CACNB2: variants seen among roughly 807,000 people sequenced by gnomAD.
The protein encoded by CACNB2 is calcium voltage-gated channel auxiliary subunit beta 2, also known as voltage-dependent L-type calcium channel subunit beta-2.
A neutral mutation model predicts 73.3 loss-of-function variants in CACNB2; 42 were observed. The ratio of observed to expected loss-of-function variants is 0.57; its 90% CI spans 0.45 to 0.74. The LOEUF (loss-of-function observed/expected upper bound fraction) is 0.74, where lower values mean the gene tolerates loss of function less well. Among genes scored for constraint, CACNB2 ranks in the 30% least tolerant of loss-of-function variants. CACNB2 has a pLI of 0.00. For missense variants in CACNB2, 940 were observed against 853.0 expected, an observed-to-expected ratio of 1.10 and a Z score of -1.27; for synonymous variants, 348 against 310.3, an observed-to-expected ratio of 1.12 and a Z score of -1.28.
chr10:18,319,010 T>C (rs2131941481), intron 2 of CACNB2, among the ~76,000 whole-genome samples: 1 of 152,258 alleles, frequency 6.6e-6, no homozygotes, highest in African/African-American at 2.4e-5. Context: ...GAATGTAAAT[T>C]AGTTCAACCA....
At chr10:18,165,521 T>C (rs756215222) in intron 2 of CACNB2, among the ~76,000 whole-genome samples, 1 of 152,244 alleles carries the variant, frequency 6.6e-6, no homozygotes, top group South Asian at 2.1e-4. Flanking sequence ...CAGGCGACTG[T>C]TGAGCCTCAG....
At chr10:18,145,674 T>A (rs1393294439) in intron 1 of CACNB2, among the ~76,000 whole-genome samples, 1 of 152,198 alleles carries the variant, frequency 6.6e-6, no homozygotes, top group African/African-American at 2.4e-5. Context: ...GGGATGGTGA[T>A]ACTCTACAAT....
chr10:18,462,072 C>T (rs1661498356), intron 3 of CACNB2, among the ~76,000 whole-genome samples: 2 of 152,136 alleles, frequency 1.3e-5, no homozygotes, highest in East Asian at 1.9e-4. Flanking sequence ...TGCTCATTTT[C>T]CCCATGCACA....
intron 2 of CACNB2, among the ~76,000 whole-genome samples, chr10:18,191,347 G>C (rs2489211): frequency 0.82 from 125,162 of 152,218 alleles, 52,612 homozygotes; most frequent in Non-Finnish European, 0.9. Context: ...GCTGCCCCCC[G>C]TGTATTGCTG....
intron 3 of CACNB2, among the ~76,000 whole-genome samples, chr10:18,487,644 C>T (rs1483494230): frequency 2.6e-5 from 4 of 151,948 alleles, no homozygotes; most frequent in South Asian, 4.1e-4. Flanking sequence ...AGACCAGCCT[C>T]GCCAACATAG....
intron 3 of CACNB2, among the ~76,000 whole-genome samples, chr10:18,482,465 C>T (rs1463998954): frequency 6.6e-6 from 1 of 152,104 alleles, no homozygotes; most frequent in Non-Finnish European, 1.5e-5. Context: ...CCTGGCTAGA[C>T]TGAAGATGCC....
chr10:18,338,738 C>CTTT lies in CACNB2; in HGVS notation c.214-63168_214-63166dup, dbSNP rs553402190. On this transcript the variant is annotated intron_variant, in intron 2 of 13. Coordinates refer to ENST00000324631, the MANE Select transcript of CACNB2 (RefSeq NM_201596.3). ...CCTTCCTGCCTTCTTTCCTTCTTTC[C>CTTT]TTTTTTTTTTTTTTTTTTTTGAAAG... 1.9e-3 allele frequency among the ~76,000 whole-genome samples: 198 copies of CTTT among 102,428 alleles called. 2 individuals are homozygous for CTTT. The highest frequency in any genetic ancestry group is 4.0e-3 in the South Asian group (11 of 2,784). 67.2% of individuals were successfully genotyped at this position (102,428 alleles called of 152,430 possible).
Position 18,536,254 on chromosome 10 carries a change from T to TTTTTTC in CACNB2, c.1302+63_1302+64insCTTTTT, listed in dbSNP as rs1463385944. 28 of 632,230 alleles carry TTTTTTC rather than the reference T, an allele frequency of 4.4e-5. 1 individual carries two copies. In the African/African-American group the frequency reaches 8.5e-4, roughly 19 times the overall value. The allele number at this position is 632,230 out of a possible 1,614,324, so 39.2% of individuals were successfully genotyped here. A position where few individuals can be genotyped will look rare whatever the true frequency, so the allele number is the denominator to read the frequency against. ...TACAGAGATCAGACCTTTTTTTTTT[T>TTTTTTC]TTTTTTTTTTTTTTTTTTTGGGGGA... On this transcript the variant is annotated intron_variant, in intron 12 of 13. Coordinates refer to ENST00000324631, the MANE Select transcript of CACNB2 (RefSeq NM_201596.3).
At chr10:18,256,671 T>A (rs1343783316) in intron 2 of CACNB2, 1 of 152,272 alleles carries the variant, frequency 6.6e-6, no homozygotes, top group Admixed American at 6.5e-5. Context: ...CCGGGCATGG[T>A]GGCTCAGGCC....
At chr10:18,303,031 C>T (rs190272341) in intron 2 of CACNB2, among the ~76,000 whole-genome samples, 52 of 152,202 alleles carry the variant, frequency 3.4e-4, no homozygotes, top group Admixed American at 5.9e-4. Flanking sequence ...TCTGAAGCTT[C>T]ACGGGGGTCT....
intron 6 of CACNB2, among the ~76,000 whole-genome samples, chr10:18,508,187 C>A (rs1218453187): frequency 6.6e-6 from 1 of 152,152 alleles, no homozygotes; most frequent in Non-Finnish European, 1.5e-5. Context: ...TGAGCAAAAT[C>A]TGAGCACAAT....
chr10:18,337,428 C>A (rs992806634), intron 2 of CACNB2, among the ~76,000 whole-genome samples: 3 of 152,270 alleles, frequency 2.0e-5, no homozygotes, highest in African/African-American at 7.2e-5. Flanking sequence ...TTACTCTTAC[C>A]CATTGTAGCA....
At chr10:18,521,817 G>T (rs1278190353) in intron 9 of CACNB2, among the ~76,000 whole-genome samples, 1 of 152,172 alleles carries the variant, frequency 6.6e-6, no homozygotes, top group Admixed American at 6.5e-5. Flanking sequence ...TTTTTAACCA[G>T]ATAAATGCAG....
At position 18,221,953 on chromosome 10, in the gene CACNB2, C is replaced by G. The variant is rs572891781; in HGVS notation, c.213+70978C>G. On this transcript the variant is annotated intron_variant, in intron 2 of 13. Coordinates refer to ENST00000324631, the MANE Select transcript of CACNB2 (RefSeq NM_201596.3). ...GTTTCTCTTTATAGAAGTATTTCAT[C>G]TACTACACAAAGGAGGGACCAGAGA... Among the ~76,000 whole-genome samples, 6 of 152,276 alleles carry G rather than the reference C, an allele frequency of 3.9e-5. No individual in the cohort carries two copies. The South Asian group carries it at 1.2e-3, about 32-fold the overall frequency.
At chr10:18,486,300 C>G (rs527306743) in intron 3 of CACNB2, among the ~76,000 whole-genome samples, 2 of 152,118 alleles carry the variant, frequency 1.3e-5, no homozygotes, top group African/African-American at 4.8e-5. Flanking sequence ...ACTCATTAGT[C>G]ATTGTTTAGG....
intron 2 of CACNB2, among the ~76,000 whole-genome samples, chr10:18,234,865 C>T (rs921585434): frequency 1.3e-5 from 2 of 152,124 alleles, no homozygotes; most frequent in Non-Finnish European, 2.9e-5. Flanking sequence ...TTAAAAGGGC[C>T]GGGCGCGGTG....
chr10:18,285,553 C>T (rs1437575234), intron 2 of CACNB2, among the ~76,000 whole-genome samples: 1 of 152,164 alleles, frequency 6.6e-6, no homozygotes, highest in Non-Finnish European at 1.5e-5. Context: ...TGACTGTTAC[C>T]ATGTCAGAGT....
intron 2 of CACNB2, among the ~76,000 whole-genome samples, chr10:18,245,596 G>A (rs1041647811): frequency 1.3e-5 from 2 of 152,196 alleles, no homozygotes; most frequent in Admixed American, 1.3e-4. Context: ...TTCCCAAAGT[G>A]TTGGAATTAC....
chr10:18,442,381 C>T (rs2046453744), intron 3 of CACNB2, among the ~76,000 whole-genome samples: 1 of 151,818 alleles, frequency 6.6e-6, no homozygotes, highest in South Asian at 2.1e-4. Flanking sequence ...AACCCCTGAC[C>T]TCAGGTGATC....
Sources: gnomAD v4.1 joint callset for allele counts (sites outside exome capture counted in the v4.1 genomes callset) on GRCh38, gnomAD v4.1.1 for gene constraint, MANE v1.5 for transcripts, NCBI Gene and HGNC (gene_info 2026-07-23, HGNC 2026-07-21) for gene names.